Variants in LDLRAD4 observed in about 807,000 individuals in gnomAD.
LDLRAD4 encodes the protein low-density lipoprotein receptor class A domain-containing protein 4.
A neutral mutation model predicts 17.0 loss-of-function variants in LDLRAD4; 5 were observed. The observed-to-expected ratio is 0.29, with a 90% CI of 0.15 to 0.62. The LOEUF is 0.62. Ranked by LOEUF, LDLRAD4 falls within the 20% of genes least tolerant of loss-of-function variation. LDLRAD4 has a pLI of 0.84. For synonymous variants in LDLRAD4, 168 were observed against 171.8 expected (o/e 0.98, Z 0.17); for missense variants, 340 against 424.7 (o/e 0.80, Z 1.75).
chr18:13,473,386 G>A (rs2092829589), intron 3 of LDLRAD4, among the ~76,000 whole-genome samples: 2 of 152,024 alleles, frequency 1.3e-5, no homozygotes. Flanking sequence ...AAACCTAGTG[G>A]GGGCTGGGCA....
intron 1 of LDLRAD4, among the ~76,000 whole-genome samples, chr18:13,333,361 G>A (rs1404143928): frequency 1.3e-5 from 2 of 152,104 alleles, no homozygotes; most frequent in African/African-American, 2.4e-5. Flanking sequence ...CCAGTATGTG[G>A]CTTGTGTTCT....
At chr18:13,564,455 T>C (rs2094573311) in intron 3 of LDLRAD4, among the ~76,000 whole-genome samples, 1 of 152,054 alleles carries the variant, frequency 6.6e-6, no homozygotes, top group Non-Finnish European at 1.5e-5. Flanking sequence ...TGGGGCTTGC[T>C]TGTCTTTCCC....
chr18:13,559,128 A>G (rs1186098720), intron 3 of LDLRAD4, among the ~76,000 whole-genome samples: 1 of 152,262 alleles, frequency 6.6e-6, no homozygotes, highest in Non-Finnish European at 1.5e-5. Flanking sequence ...GGTATCTGTA[A>G]AGGTGTCACT....
chr18:13,330,938 C>G (rs926938117), intron 1 of LDLRAD4, among the ~76,000 whole-genome samples: 1 of 152,194 alleles, frequency 6.6e-6, no homozygotes, highest in African/African-American at 2.4e-5. Flanking sequence ...TTCTGGATAG[C>G]TAAACACATG....
intron 1 of LDLRAD4, among the ~76,000 whole-genome samples, chr18:13,222,138 T>C (rs1006253312): frequency 2.0e-5 from 3 of 152,310 alleles, no homozygotes; most frequent in Middle Eastern, 3.4e-3. Context: ...ACTTTTGTTT[T>C]GCAGATTTTC....
At chr18:13,593,555 A>T (rs1302574848) in intron 3 of LDLRAD4, among the ~76,000 whole-genome samples, 1 of 151,404 alleles carries the variant, frequency 6.6e-6, no homozygotes, top group African/African-American at 2.5e-5. Flanking sequence ...TACTTTATCT[A>T]TCTATCTGTC....
At chr18:13,470,898 G>A (rs1170553168) in intron 3 of LDLRAD4, 1 of 152,044 alleles carries the variant, frequency 6.6e-6, no homozygotes, top group East Asian at 2.0e-4. Flanking sequence ...TGCCTAGCAG[G>A]GGTCTTTGTG....
intron 3 of LDLRAD4, among the ~76,000 whole-genome samples, chr18:13,547,596 C>T (rs547208895): frequency 9.2e-5 from 14 of 152,140 alleles, no homozygotes; most frequent in African/African-American, 2.2e-4. Context: ...AGTGAGTGAG[C>T]GTGGAGTGTG....
intron 1 of LDLRAD4, among the ~76,000 whole-genome samples, chr18:13,374,232 C>T (rs1219474182): frequency 6.6e-6 from 1 of 152,070 alleles, no homozygotes; most frequent in Admixed American, 6.5e-5. Context: ...CAGCCCTGAC[C>T]CCACACAGGC....
chr18:13,264,563 G>T (rs962780059), intron 1 of LDLRAD4, among the ~76,000 whole-genome samples: 2 of 152,240 alleles, frequency 1.3e-5, no homozygotes, highest in African/African-American at 4.8e-5. Context: ...GGCATTCTTG[G>T]CAGGGAAGCC....
At chr18:13,238,283 A>G (rs2042435176) in intron 1 of LDLRAD4, among the ~76,000 whole-genome samples, 1 of 152,216 alleles carries the variant, frequency 6.6e-6, no homozygotes, top group African/African-American at 2.4e-5. Flanking sequence ...TTGTAAAACG[A>G]GAAGGAGCCC....
At chr18:13,513,734 T>A (rs1420582229) in intron 3 of LDLRAD4, among the ~76,000 whole-genome samples, 2 of 152,194 alleles carry the variant, frequency 1.3e-5, no homozygotes, top group Non-Finnish European at 2.9e-5. Flanking sequence ...GTGTTAGAGG[T>A]TACTCATGGA....
intron 1 of LDLRAD4, among the ~76,000 whole-genome samples, chr18:13,344,477 T>C (rs2082562549): frequency 6.6e-6 from 1 of 151,202 alleles, no homozygotes; most frequent in Non-Finnish European, 1.5e-5. Context: ...GCTGTTTTGG[T>C]TACTGTAGCT....
At position 13,621,252 on chromosome 18, in the gene LDLRAD4, G is replaced by C; in HGVS notation, c.317G>C (p.Arg106Pro). The C allele has an allele frequency of 6.2e-7, 1 of 1,612,902 alleles. No individual in the cohort carries two copies. Among genetic ancestry groups the C allele is most frequent in the Non-Finnish European group, 8.5e-7 (1 of 1,179,874 alleles). Residue 106 changes from arginine (R) to proline (P), a missense_variant, in exon 4 of 6, where the codon CGG becomes CCG. Transcript: ENST00000359446. The surrounding 1 kb of genome is among the most constrained non-coding windows in gnomAD (Gnocchi z 5.5). ...AACCGCCCGAACCAGAGCCGGAGGC[G>C]GGAGGACGGGCTGCCGCAGGTGAGT...
intron 1 of LDLRAD4, chr18:13,239,536 A>C (rs1384867325): frequency 6.6e-6 from 1 of 152,290 alleles, no homozygotes; most frequent in African/African-American, 2.4e-5. Context: ...AATGAATTAC[A>C]GGTATTAATG....
At chr18:13,650,063 C>G (rs1407893980) in exon 6 of LDLRAD4, 3 of 398,606 alleles carry the variant, frequency 7.5e-6, no homozygotes, top group Admixed American at 4.4e-5. Flanking sequence ...TCGCCATTTC[C>G]ACCACCGCCA....
chr18:13,323,668 C>T (rs1299900180), intron 1 of LDLRAD4, among the ~76,000 whole-genome samples: 1 of 152,126 alleles, frequency 6.6e-6, no homozygotes, highest in Non-Finnish European at 1.5e-5. Flanking sequence ...ACAAAGTATT[C>T]AGCATATGGG....
At chr18:13,590,344 TGTGTGTGC>T (rs1197443561) in intron 3 of LDLRAD4, among the ~76,000 whole-genome samples, 3 of 151,854 alleles carry the variant, frequency 2.0e-5, no homozygotes, top group South Asian at 2.1e-4. Flanking sequence ...GGTAAGTGTG[TGTGTGTGC>T]GTGTGCGTGT....
intron 1 of LDLRAD4, among the ~76,000 whole-genome samples, chr18:13,317,667 C>T (rs149653243): frequency 3.9e-5 from 6 of 152,260 alleles, no homozygotes; most frequent in South Asian, 4.1e-4. Context: ...TTAAAGAAAG[C>T]ACGTCACAAG....
Sources: allele counts gnomAD v4.1 joint callset (sites outside exome capture counted in the v4.1 genomes callset), GRCh38; gene constraint gnomAD v4.1.1; non-coding constraint Gnocchi (gnomAD v3.1); transcripts MANE v1.5; gene names NCBI Gene and HGNC (gene_info 2026-07-23, HGNC 2026-07-21).